The following COLEC12 variants were observed in gnomAD, a reference collection of about 807,000 sequenced individuals.
COLEC12 encodes collectin subfamily member 12, also known as collectin-12.
In COLEC12, 33 loss-of-function variants were observed where a neutral mutation model predicts 71.1. The ratio of observed to expected loss-of-function variants is 0.46; its 90% CI spans 0.35 to 0.62. The LOEUF is 0.62. Among genes scored for constraint, COLEC12 ranks in the 20% least tolerant of loss-of-function variants. The pLI is 0.00. For missense variants in COLEC12, 765 were observed against 916.1 expected, an observed-to-expected ratio of 0.84 and a Z score of 2.13; for synonymous variants, 350 against 353.0, an observed-to-expected ratio of 0.99 and a Z score of 0.10.
At chr18:358,060 G>A (rs1336701372) in intron 2 of COLEC12, among the ~76,000 whole-genome samples, 1 of 152,222 alleles carries the variant, frequency 6.6e-6, no homozygotes, top group Non-Finnish European at 1.5e-5. Context: ...CTCCTTATGA[G>A]AATCTGACTA....
chr18:340,542 G>A (rs1914227365), intron 5 of COLEC12, among the ~76,000 whole-genome samples: 1 of 152,174 alleles, frequency 6.6e-6, no homozygotes, highest in South Asian at 2.1e-4. Context: ...GAAGTGCCCA[G>A]CCCAGTTTCC....
At chr18:469,785 T>C (rs1339587552) in intron 2 of COLEC12, among the ~76,000 whole-genome samples, 1 of 152,188 alleles carries the variant, frequency 6.6e-6, no homozygotes, top group Non-Finnish European at 1.5e-5. Context: ...TGATTCTACA[T>C]ATACTCTATG....
intron 3 of COLEC12, among the ~76,000 whole-genome samples, chr18:352,119 T>G (rs1914536252): frequency 6.6e-6 from 1 of 152,228 alleles, no homozygotes; most frequent in Non-Finnish European, 1.5e-5. Flanking sequence ...GACAGAGAGA[T>G]GCAGTTCTAA....
chr18:479,263 G>T (rs1917363664), intron 2 of COLEC12, among the ~76,000 whole-genome samples: 1 of 151,478 alleles, frequency 6.6e-6, no homozygotes, highest in African/African-American at 2.4e-5. Flanking sequence ...CGTGTAGATG[G>T]GGAACAGGAG....
chr18:498,125 TC>T (rs754152352), intron 1 of COLEC12, among the ~76,000 whole-genome samples: 3 of 152,192 alleles, frequency 2.0e-5, no homozygotes, highest in Non-Finnish European at 2.9e-5. Context: ...AGTTCCTATT[TC>T]TTCTAGACTC....
At chr18:499,139 T>C (rs1276876249) in intron 1 of COLEC12, among the ~76,000 whole-genome samples, 1 of 152,150 alleles carries the variant, frequency 6.6e-6, no homozygotes. Context: ...CAGAGCCAGC[T>C]AAGGAATGTG....
At position 405,440 on chromosome 18, in the gene COLEC12, C is replaced by G. The variant is rs371333056; in HGVS notation, c.59-47918G>C. Among the ~76,000 whole-genome samples the G allele has an allele frequency of 1.2e-4, 19 of 152,294 alleles. No individual in the cohort carries two copies. In the East Asian group the frequency reaches 3.5e-3, roughly 28 times the overall value. On this transcript the variant is annotated intron_variant, in intron 2 of 9. Transcript: ENST00000400256. ...AATAAAAACTTGCTGGTCTGAGACT[C>G]AGGCGGGCATCACAATCCTACCGAT...
intron 2 of COLEC12, among the ~76,000 whole-genome samples, chr18:424,630 G>C (rs1212970520): frequency 1.3e-5 from 2 of 152,174 alleles, no homozygotes; most frequent in Non-Finnish European, 2.9e-5. Flanking sequence ...CAGAGCTCAA[G>C]CCCAAAGGTT....
At chr18:325,354 A>G (rs1913810583) in intron 8 of COLEC12, among the ~76,000 whole-genome samples, 1 of 152,138 alleles carries the variant, frequency 6.6e-6, no homozygotes, top group Admixed American at 6.6e-5. Flanking sequence ...GGTCCCGTGG[A>G]CAGAGGAACA....
At chr18:330,537 G>C (rs1257345009) in intron 8 of COLEC12, among the ~76,000 whole-genome samples, 1 of 149,324 alleles carries the variant, frequency 6.7e-6, no homozygotes, top group South Asian at 2.1e-4. Flanking sequence ...TGCTTCATTT[G>C]TTACAGTTCC....
intron 2 of COLEC12, among the ~76,000 whole-genome samples, chr18:444,799 TGTTAA>T (rs1269993143): frequency 1.3e-5 from 2 of 152,170 alleles, no homozygotes; most frequent in Admixed American, 6.6e-5. Context: ...AGGCAAGAAA[TGTTAA>T]GTTGTCAGAA....
Position 327,520 on chromosome 18 carries a change from TG to T in COLEC12, c.2063+4147del, listed in dbSNP as rs1913873142. Among the ~76,000 whole-genome samples, 1 of 152,218 alleles carries T rather than the reference TG, an allele frequency of 6.6e-6. No homozygotes were observed. Among genetic ancestry groups the T allele is most frequent in the African/African-American group, 2.4e-5 (1 of 41,462 alleles). ...TCAGCAAGTCAGGTTGAGTGTTTCA[TG>T]GGAAATAAGCCTGAGCTCAATCTGT... On this transcript the variant is annotated intron_variant, in intron 8 of 9. Transcript: ENST00000400256. This position sits in a 1 kb window ranked among gnomAD's most constrained non-coding sequence, Gnocchi z 4.0.
intron 2 of COLEC12, among the ~76,000 whole-genome samples, chr18:377,371 A>G (rs1915136380): frequency 6.6e-6 from 1 of 152,234 alleles, no homozygotes; most frequent in African/African-American, 2.4e-5. Context: ...TGAAACTCAT[A>G]AAGAACCCGT....
At chr18:365,562 CA>C (rs1914836882) in intron 2 of COLEC12, among the ~76,000 whole-genome samples, 3 of 151,898 alleles carry the variant, frequency 2.0e-5, no homozygotes, top group South Asian at 4.2e-4. Context: ...TCTACAGAGC[CA>C]AAAAACTGCT....
At chr18:466,756 A>G (rs1917096951) in intron 2 of COLEC12, among the ~76,000 whole-genome samples, 1 of 152,210 alleles carries the variant, frequency 6.6e-6, no homozygotes, top group Non-Finnish European at 1.5e-5. Context: ...CAGGAAAAAA[A>G]TACAGTTTTT....
chr18:461,674 C>A (rs1001234030), intron 2 of COLEC12, among the ~76,000 whole-genome samples: 5 of 146,648 alleles, frequency 3.4e-5, no homozygotes, highest in African/African-American at 1.3e-4. Context: ...AGATGTGAGA[C>A]ACTGTACCCG....
intron 2 of COLEC12, among the ~76,000 whole-genome samples, chr18:407,007 T>A (rs1208794930): frequency 6.6e-6 from 1 of 152,236 alleles, no homozygotes; most frequent in Non-Finnish European, 1.5e-5. Flanking sequence ...AGCAAGGTCC[T>A]GTGTTCCCTG....
chr18:454,668 G>C (rs538480331), intron 2 of COLEC12, among the ~76,000 whole-genome samples: 3 of 152,284 alleles, frequency 2.0e-5, no homozygotes, highest in Admixed American at 2.0e-4. Flanking sequence ...GGAGATAAAA[G>C]TGAGACTCTG....
At chr18:415,547 A>ATTAT (rs35384387) in intron 2 of COLEC12, among the ~76,000 whole-genome samples, 45,817 of 151,694 alleles carry the variant, frequency 0.3, 7,675 homozygotes, top group South Asian at 0.51. Flanking sequence ...CTGAACTATA[A>ATTAT]TTGTTTACCT....
Sources: gnomAD v4.1 joint callset for allele counts (sites outside exome capture counted in the v4.1 genomes callset) on GRCh38, gnomAD v4.1.1 for gene constraint, Gnocchi (gnomAD v3.1) non-coding constraint, MANE v1.5 for transcripts, NCBI Gene and HGNC (gene_info 2026-07-23, HGNC 2026-07-21) for gene names.